HYCC1: variants seen among roughly 807,000 people sequenced by gnomAD.
HYCC1 encodes hyccin PI4KA lipid kinase complex subunit 1, also known as hyccin.
chr7:22,950,800 G>A, the HYCC1 span, among the ~76,000 whole-genome samples: 1 of 151,668 alleles, frequency 6.6e-6, no homozygotes, highest in African/African-American at 2.4e-5. Flanking sequence ...AGAAGATGCT[G>A]TAAGGGAATA....
the HYCC1 span, among the ~76,000 whole-genome samples, chr7:22,896,770 T>C: frequency 6.6e-6 from 1 of 152,072 alleles, no homozygotes; most frequent in East Asian, 1.9e-4. Context: ...AGTCTGGGAG[T>C]TCAGAGTGTA....
At chr7:23,012,930 T>G in the HYCC1 span, among the ~76,000 whole-genome samples, 1 of 152,226 alleles carries the variant, frequency 6.6e-6, no homozygotes, top group African/African-American at 2.4e-5. Flanking sequence ...TTGGCCCTAC[T>G]GCCTGTAGGG....
the HYCC1 span, among the ~76,000 whole-genome samples, chr7:22,986,511 T>G: frequency 6.6e-6 from 1 of 152,150 alleles, no homozygotes; most frequent in East Asian, 1.9e-4. Flanking sequence ...ATAACTGGAG[T>G]TGAAAAGCAC....
At chr7:22,913,456 C>A in the HYCC1 span, among the ~76,000 whole-genome samples, 1 of 152,192 alleles carries the variant, frequency 6.6e-6, no homozygotes, top group South Asian at 2.1e-4. Context: ...ATACCCGGCA[C>A]AGTAGGAGTG....
At chr7:23,000,442 A>G in the HYCC1 span, among the ~76,000 whole-genome samples, 455 of 152,210 alleles carry the variant, frequency 3.0e-3, 2 homozygotes, top group African/African-American at 0.011. Flanking sequence ...AAACATGTAC[A>G]TATGTATATA....
the HYCC1 span, among the ~76,000 whole-genome samples, chr7:22,955,918 T>C: frequency 6.6e-6 from 1 of 151,688 alleles, no homozygotes; most frequent in South Asian, 2.1e-4. Flanking sequence ...CTTTCTATTT[T>C]CCTTTAACTT....
chr7:22,940,643 A>G, the HYCC1 span: 1 of 152,152 alleles, frequency 6.6e-6, no homozygotes, highest in East Asian at 1.9e-4. Flanking sequence ...CTAAAATTGT[A>G]CTGTTAAAGA....
At chr7:22,922,082 A>G in the HYCC1 span, among the ~76,000 whole-genome samples, 3 of 152,158 alleles carry the variant, frequency 2.0e-5, no homozygotes, top group African/African-American at 7.2e-5. Flanking sequence ...CAAAAAACAC[A>G]TGAGACCCAT....
chr7:23,002,633 T>C, the HYCC1 span, among the ~76,000 whole-genome samples: 6 of 152,188 alleles, frequency 3.9e-5, no homozygotes, highest in African/African-American at 1.4e-4. Context: ...TTCCATGTTT[T>C]ACCTAGGGGA....
chr7:22,991,863 T>C, the HYCC1 span, among the ~76,000 whole-genome samples: 1 of 152,124 alleles, frequency 6.6e-6, no homozygotes, highest in Non-Finnish European at 1.5e-5. Flanking sequence ...ATTTCCTAAC[T>C]TCCAAATTCA....
chr7:23,001,418 A>G, the HYCC1 span, among the ~76,000 whole-genome samples: 1 of 152,170 alleles, frequency 6.6e-6, no homozygotes, highest in Non-Finnish European at 1.5e-5. Flanking sequence ...CATGGCACCT[A>G]AAACAGTTCA....
the HYCC1 span, among the ~76,000 whole-genome samples, chr7:23,010,572 T>G: frequency 6.6e-6 from 1 of 152,214 alleles, no homozygotes; most frequent in African/African-American, 2.4e-5. Context: ...AATATTATTT[T>G]GATTATGGTG....
the HYCC1 span, among the ~76,000 whole-genome samples, chr7:22,972,649 T>C: frequency 6.6e-6 from 1 of 152,224 alleles, no homozygotes; most frequent in Non-Finnish European, 1.5e-5. Context: ...TATATTTCTT[T>C]TCATAGTGCC....
chr7:22,949,120 A>G, the HYCC1 span, among the ~76,000 whole-genome samples: 5 of 152,134 alleles, frequency 3.3e-5, no homozygotes, highest in Non-Finnish European at 4.4e-5. Context: ...TTAAAATTTA[A>G]TAAAATTTTA....
the HYCC1 span, chr7:22,946,213 T>A: frequency 6.8e-7 from 1 of 1,468,052 alleles, no homozygotes; most frequent in Non-Finnish European, 9.4e-7. Context: ...TTTTAAGCAA[T>A]CTTTTTAAAT....
At chr7:22,997,556 G>A in the HYCC1 span, among the ~76,000 whole-genome samples, 1 of 152,164 alleles carries the variant, frequency 6.6e-6, no homozygotes, top group Non-Finnish European at 1.5e-5. Flanking sequence ...ACAGAATGGA[G>A]AGAAATGTTC....
At chr7:22,964,109 C>CA in the HYCC1 span, among the ~76,000 whole-genome samples, 37,887 of 142,536 alleles carry the variant, frequency 0.27, 4,876 homozygotes, top group East Asian at 0.48. Context: ...GAAATTATAG[C>CA]AAAAAAAAAA....
At chr7:22,935,561 A>C in the HYCC1 span, 1 of 152,168 alleles carries the variant, frequency 6.6e-6, no homozygotes, top group Non-Finnish European at 1.5e-5. Flanking sequence ...GAGCAGTAAG[A>C]AGCACTGCTT....
the HYCC1 span, chr7:22,976,250 G>A: frequency 1.2e-6 from 2 of 1,613,132 alleles, no homozygotes; most frequent in East Asian, 4.5e-5. Context: ...GAAACACTGG[G>A]CATGTAAGTT....
Sources: allele counts gnomAD v4.1 joint callset (sites outside exome capture counted in the v4.1 genomes callset), GRCh38; gene constraint gnomAD v4.1.1; transcripts MANE v1.5; gene names NCBI Gene and HGNC (gene_info 2026-07-23, HGNC 2026-07-21).